Variants in RPS6KC1 observed in about 807,000 individuals in gnomAD.
RPS6KC1 encodes inactive ribosomal protein S6 kinase delta-1.
In RPS6KC1, 54 loss-of-function variants were observed where a neutral mutation model predicts 103.8. That is an observed-to-expected ratio of 0.52 (90% CI 0.42 to 0.65). RPS6KC1 has a LOEUF of 0.65. Among genes scored for constraint, RPS6KC1 ranks in the 30% least tolerant of loss-of-function variants. RPS6KC1 has a pLI of 0.00. For synonymous variants in RPS6KC1, 439 were observed against 438.7 expected, an observed-to-expected ratio of 1.00 and a Z score of -0.01; for missense variants, 1,151 against 1,253.8, an observed-to-expected ratio of 0.92 and a Z score of 1.24.
the RPS6KC1 span, among the ~76,000 whole-genome samples, chr1:213,497,357 G>A: frequency 6.7e-6 from 1 of 148,162 alleles, no homozygotes. Context: ...GCAATAAAAA[G>A]TTAAAAGTTT....
At chr1:213,114,886 C>A (rs1273504111) in intron 4 of RPS6KC1, among the ~76,000 whole-genome samples, 1 of 152,194 alleles carries the variant, frequency 6.6e-6, no homozygotes, top group Non-Finnish European at 1.5e-5. Flanking sequence ...ACCAGCCTTG[C>A]ATCTCAGGGA....
chr1:213,728,749 C>T, the RPS6KC1 span, among the ~76,000 whole-genome samples: 1 of 152,040 alleles, frequency 6.6e-6, no homozygotes, highest in Non-Finnish European at 1.5e-5. Flanking sequence ...GCAATTCTGG[C>T]TTCTGCCAAT....
chr1:213,724,873 A>G, the RPS6KC1 span, among the ~76,000 whole-genome samples: 1 of 152,142 alleles, frequency 6.6e-6, no homozygotes, highest in African/African-American at 2.4e-5. Flanking sequence ...CAACAGTCCA[A>G]AGAGTGCTAT....
At chr1:213,179,081 A>C (rs1165553521) in intron 8 of RPS6KC1, among the ~76,000 whole-genome samples, 1 of 152,148 alleles carries the variant, frequency 6.6e-6, no homozygotes. Flanking sequence ...TTTGGGAATT[A>C]ATAAGTCTTT....
At chr1:213,841,562 G>A in the RPS6KC1 span, among the ~76,000 whole-genome samples, 1 of 152,150 alleles carries the variant, frequency 6.6e-6, no homozygotes, top group Non-Finnish European at 1.5e-5. Flanking sequence ...CTATTCATTT[G>A]AGGAAACTCC....
the RPS6KC1 span, among the ~76,000 whole-genome samples, chr1:213,584,133 G>C: frequency 1.3e-5 from 2 of 152,096 alleles, no homozygotes; most frequent in Non-Finnish European, 1.5e-5. Context: ...CCTTTCGCTT[G>C]GTTCTCATTC....
chr1:213,650,989 G>A, the RPS6KC1 span, among the ~76,000 whole-genome samples: 1 of 151,666 alleles, frequency 6.6e-6, no homozygotes, highest in Non-Finnish European at 1.5e-5. Flanking sequence ...TTGGGGGTGG[G>A]GTGGAGGTGG....
At chr1:213,270,544 G>GC (rs1383371674) in intron 14 of RPS6KC1, among the ~76,000 whole-genome samples, 2 of 152,180 alleles carry the variant, frequency 1.3e-5, no homozygotes, top group Non-Finnish European at 2.9e-5. Flanking sequence ...GGGAGGCCAT[G>GC]GTAGGAGGAC....
Position 213,117,386 on chromosome 1 carries a change from AC to A in RPS6KC1, c.450del (p.Pro152LeufsTer27). On this transcript the variant is annotated frameshift_variant, in exon 5 of 15. Coordinates refer to ENST00000366960, the MANE Select transcript of RPS6KC1 (RefSeq NM_012424.6). LOFTEE classifies it high-confidence loss of function. ...AEAHSDSLID[T>X]FPECSTEGFS... Reference sequence around the variant, plus strand: ...AGCTCACTCAGATTCCCTCATTGATACCTTTCCTGAGTGTAGTACGGAAGGT... The same window carrying A: ...AGCTCACTCAGATTCCCTCATTGATACTTTCCTGAGTGTAGTACGGAAGGT... The A allele has an allele frequency of 6.2e-7, 1 of 1,608,218 alleles. No homozygotes were observed. Among genetic ancestry groups the A allele is most frequent in the Non-Finnish European group, 8.5e-7 (1 of 1,175,198 alleles).
Position 213,051,241 on chromosome 1 carries a change from G to C in RPS6KC1, c.-164G>C. The C allele has an allele frequency of 1.7e-6, 1 of 600,284 alleles. No individual in the cohort carries two copies. Among genetic ancestry groups the C allele is most frequent in the East Asian group, 2.8e-5 (1 of 35,626 alleles). 37.2% of individuals were successfully genotyped at this position (600,284 alleles called of 1,614,324 possible). A position where few individuals can be genotyped will look rare whatever the true frequency, so the allele number is the denominator to read the frequency against. On this transcript the variant is annotated 5_prime_UTR_variant, in exon 1 of 15. Transcript: ENST00000366960. ...AGCCTGGCCCGGAAGCTTCTCTGCT[G>C]ACCCGGAAGCAGAGCTGTGCAGCTG...
the RPS6KC1 span, among the ~76,000 whole-genome samples, chr1:213,649,192 A>G: frequency 2.7e-5 from 4 of 146,516 alleles, no homozygotes; most frequent in Non-Finnish European, 4.5e-5. Flanking sequence ...TCCCTCCCAT[A>G]TTTCCAACTT....
the RPS6KC1 span, among the ~76,000 whole-genome samples, chr1:213,339,968 C>T: frequency 6.6e-6 from 1 of 152,152 alleles, no homozygotes; most frequent in Non-Finnish European, 1.5e-5. Flanking sequence ...TCTTGGCTCA[C>T]TGCAACCTCT....
At chr1:213,424,170 A>G in the RPS6KC1 span, among the ~76,000 whole-genome samples, 1 of 152,204 alleles carries the variant, frequency 6.6e-6, no homozygotes, top group Non-Finnish European at 1.5e-5. Context: ...AATTGAAGTG[A>G]GAAAATAAAC....
At chr1:213,558,441 G>A in the RPS6KC1 span, among the ~76,000 whole-genome samples, 1 of 152,108 alleles carries the variant, frequency 6.6e-6, no homozygotes, top group African/African-American at 2.4e-5. Flanking sequence ...TCTACCATTT[G>A]GGGTACGGGG....
At chr1:213,835,953 T>C in the RPS6KC1 span, 1 of 152,124 alleles carries the variant, frequency 6.6e-6, no homozygotes, top group South Asian at 2.1e-4. Context: ...GCCAGGTTCC[T>C]CATTCAAAAT....
the RPS6KC1 span, among the ~76,000 whole-genome samples, chr1:213,497,411 C>A: frequency 0.25 from 38,180 of 150,414 alleles, 5,468 homozygotes; most frequent in Middle Eastern, 0.4. Context: ...TCCCCAAACA[C>A]CAAATAACAA....
chr1:213,230,104 C>CA (rs1417720563), intron 8 of RPS6KC1, among the ~76,000 whole-genome samples: 1 of 152,118 alleles, frequency 6.6e-6, no homozygotes, highest in African/African-American at 2.4e-5. Context: ...CACATTATAG[C>CA]AAGTTGCTAC....
the RPS6KC1 span, among the ~76,000 whole-genome samples, chr1:213,571,449 G>C: frequency 1.9e-4 from 29 of 152,298 alleles, 1 homozygote; most frequent in South Asian, 6.0e-3. Flanking sequence ...TTGGGAAGCA[G>C]AGAGGAGATA....
At chr1:213,163,400 G>A (rs1243804106) in intron 6 of RPS6KC1, among the ~76,000 whole-genome samples, 1 of 152,174 alleles carries the variant, frequency 6.6e-6, no homozygotes, top group African/African-American at 2.4e-5. Flanking sequence ...CTTATGTGGG[G>A]ATTAACTTCT....
Sources: gnomAD v4.1 joint callset for allele counts (sites outside exome capture counted in the v4.1 genomes callset) on GRCh38, gnomAD v4.1.1 for gene constraint, MANE v1.5 for transcripts, NCBI Gene and HGNC (gene_info 2026-07-23, HGNC 2026-07-21) for gene names.